Variants in DOK5 observed in about 807,000 individuals in gnomAD.
DOK5 encodes downstream of tyrosine kinase 5.
Under a neutral mutation model 43.3 loss-of-function variants are expected in DOK5, and 27 were observed. That is an observed-to-expected ratio of 0.62 (90% CI 0.46 to 0.86). The LOEUF is 0.86. Among genes scored for constraint, DOK5 ranks in the 40% least tolerant of loss-of-function variants. The pLI is 0.00. For missense variants in DOK5, 373 were observed against 392.9 expected (o/e 0.95, Z 0.43); for synonymous variants, 146 against 140.1 (o/e 1.04, Z -0.30).
chr20:54,498,801 A>G (rs1982488865), intron 1 of DOK5, among the ~76,000 whole-genome samples: 1 of 152,136 alleles, frequency 6.6e-6, no homozygotes, highest in Admixed American at 6.5e-5. Flanking sequence ...GCAGATTTTC[A>G]CTCTTTAGCC....
At chr20:54,629,716 T>C (rs892876617) in intron 6 of DOK5, among the ~76,000 whole-genome samples, 2 of 152,138 alleles carry the variant, frequency 1.3e-5, no homozygotes, top group African/African-American at 4.8e-5. Context: ...TAAATATATA[T>C]CAAGAACTGA....
chr20:54,642,742 C>T (rs565875456), intron 6 of DOK5, among the ~76,000 whole-genome samples: 181 of 151,826 alleles, frequency 1.2e-3, no homozygotes, highest in Non-Finnish European at 2.2e-3. Context: ...AAAAACAAAA[C>T]AAAACAGAAA....
At chr20:54,575,453 A>T (rs1985423824) in intron 2 of DOK5, among the ~76,000 whole-genome samples, 1 of 151,986 alleles carries the variant, frequency 6.6e-6, no homozygotes, top group African/African-American at 2.4e-5. Flanking sequence ...ATTTTATTTC[A>T]TTTTTGAGAC....
intron 6 of DOK5, among the ~76,000 whole-genome samples, chr20:54,630,148 T>C (rs557301149): frequency 3.4e-4 from 51 of 152,212 alleles, no homozygotes; most frequent in African/African-American, 1.2e-3. Flanking sequence ...AGCAAGAAGA[T>C]GAGTTAAACG....
At chr20:54,556,871 T>G (rs74662541) in intron 2 of DOK5, among the ~76,000 whole-genome samples, 1 of 152,206 alleles carries the variant, frequency 6.6e-6, no homozygotes, top group Admixed American at 6.5e-5. Flanking sequence ...TCCAAACATC[T>G]AATTCTTCAC....
intron 1 of DOK5, among the ~76,000 whole-genome samples, chr20:54,509,981 T>C (rs1982957788): frequency 6.6e-6 from 1 of 151,968 alleles, no homozygotes; most frequent in Non-Finnish European, 1.5e-5. Flanking sequence ...GGGAGAGCAT[T>C]AGGGAAAATA....
At chr20:54,570,776 C>T (rs1985257857) in intron 2 of DOK5, among the ~76,000 whole-genome samples, 1 of 152,022 alleles carries the variant, frequency 6.6e-6, no homozygotes, top group Admixed American at 6.6e-5. Context: ...TTTAAAAATC[C>T]CATTGTAGTA....
At chr20:54,637,194 C>T (rs1978864467) in intron 6 of DOK5, among the ~76,000 whole-genome samples, 1 of 152,208 alleles carries the variant, frequency 6.6e-6, no homozygotes, top group Admixed American at 6.5e-5. Flanking sequence ...CTTCTCTCCC[C>T]AGCAGCATGA....
At chr20:54,603,914 G>A (rs1986378450) in intron 5 of DOK5, among the ~76,000 whole-genome samples, 1 of 149,044 alleles carries the variant, frequency 6.7e-6, no homozygotes, top group Non-Finnish European at 1.5e-5. Flanking sequence ...AGGGGGAGGG[G>A]ATTGTACTCC....
chr20:54,595,079 T>A (rs143583175), intron 5 of DOK5, among the ~76,000 whole-genome samples: 3 of 152,228 alleles, frequency 2.0e-5, no homozygotes, highest in Admixed American at 1.3e-4. Flanking sequence ...TGGTGGCTCA[T>A]GCCTGTAATC....
At chr20:54,541,010 T>C (rs1984138928) in intron 1 of DOK5, among the ~76,000 whole-genome samples, 1 of 152,224 alleles carries the variant, frequency 6.6e-6, no homozygotes, top group Non-Finnish European at 1.5e-5. Context: ...TTAATAGGTG[T>C]GACAAGCTCA....
At chr20:54,571,078 A>T (rs1158111834) in intron 2 of DOK5, among the ~76,000 whole-genome samples, 2 of 152,198 alleles carry the variant, frequency 1.3e-5, no homozygotes, top group Non-Finnish European at 2.9e-5. Context: ...GGATGGCATA[A>T]AGATTTATCT....
chr20:54,649,721 T>C (rs1265138415), intron 7 of DOK5, among the ~76,000 whole-genome samples: 2 of 152,226 alleles, frequency 1.3e-5, no homozygotes, highest in African/African-American at 2.4e-5. Context: ...AGATCCAGCC[T>C]GCTGACTATT....
At chr20:54,582,303 T>C (rs930440786) in intron 2 of DOK5, among the ~76,000 whole-genome samples, 4 of 151,894 alleles carry the variant, frequency 2.6e-5, no homozygotes, top group African/African-American at 9.7e-5. Flanking sequence ...ATCAGTGATA[T>C]TGGCCAGTAT....
chr20:54,567,017 C>A (rs1209343435), intron 2 of DOK5, among the ~76,000 whole-genome samples: 1 of 151,532 alleles, frequency 6.6e-6, no homozygotes, highest in Non-Finnish European at 1.5e-5. Flanking sequence ...GACCTATTTT[C>A]TATTTTTTTT....
intron 1 of DOK5, among the ~76,000 whole-genome samples, chr20:54,540,866 C>T (rs1984135542): frequency 6.7e-6 from 1 of 150,058 alleles, no homozygotes; most frequent in African/African-American, 2.5e-5. Context: ...CTCACACAGC[C>T]CTATAGGGAA....
intron 1 of DOK5, among the ~76,000 whole-genome samples, chr20:54,501,955 A>T (rs1324949652): frequency 9.2e-5 from 14 of 152,240 alleles, no homozygotes; most frequent in Admixed American, 9.2e-4. Flanking sequence ...ATGCTTGCTA[A>T]CAATGGAAAG....
intron 1 of DOK5, among the ~76,000 whole-genome samples, chr20:54,506,075 G>A (rs1180387582): frequency 2.0e-5 from 3 of 152,176 alleles, no homozygotes. Flanking sequence ...TTGAACTGGG[G>A]TTAGAGCTGT....
At chr20:54,573,295 G>T (rs1419036424) in intron 2 of DOK5, among the ~76,000 whole-genome samples, 1 of 152,148 alleles carries the variant, frequency 6.6e-6, no homozygotes, top group Non-Finnish European at 1.5e-5. Context: ...GCAAAGCCCG[G>T]AGCAGGGAGA....
Sources: gnomAD v4.1 joint callset for allele counts (sites outside exome capture counted in the v4.1 genomes callset) on GRCh38, gnomAD v4.1.1 for gene constraint, MANE v1.5 for transcripts, NCBI Gene and HGNC (gene_info 2026-07-23, HGNC 2026-07-21) for gene names.